The following KSR2 variants were observed in gnomAD, a reference collection of about 807,000 sequenced individuals.
KSR2 encodes the protein kinase suppressor of ras 2.
Under a neutral mutation model 107.8 loss-of-function variants are expected in KSR2, and 25 were observed. That is an observed-to-expected ratio of 0.23 (90% confidence interval 0.17 to 0.32). KSR2 has a LOEUF of 0.32. KSR2 is among the 10% of genes least tolerant of loss of function. The probability of loss-of-function intolerance (pLI) is 1.00; values close to 1 mark genes in which losing one functional copy is unlikely to be tolerated. For missense variants in KSR2, 887 were observed against 1,268.9 expected (o/e 0.70, Z 4.57); for synonymous variants, 480 against 507.0 (o/e 0.95, Z 0.71).
At chr12:117,943,255 G>A (rs537979262) in intron 1 of KSR2, among the ~76,000 whole-genome samples, 3 of 151,932 alleles carry the variant, frequency 2.0e-5, no homozygotes, top group African/African-American at 7.2e-5. Flanking sequence ...TTCTCAAAAC[G>A]ACTATTTTCT....
At chr12:117,546,270 CA>C (rs1434051254) in intron 9 of KSR2, among the ~76,000 whole-genome samples, 1 of 152,146 alleles carries the variant, frequency 6.6e-6, no homozygotes, top group Non-Finnish European at 1.5e-5. Context: ...TTTCTTTCAG[CA>C]CTTGAAAAAA....
intron 1 of KSR2, among the ~76,000 whole-genome samples, chr12:117,866,061 A>T (rs372921727): frequency 2.8e-5 from 3 of 105,612 alleles, no homozygotes; most frequent in African/African-American, 1.6e-4. Context: ...TTTTGAAACA[A>T]ATTCTCACTC....
intron 14 of KSR2, among the ~76,000 whole-genome samples, chr12:117,520,906 A>G (rs955672296): frequency 2.6e-5 from 4 of 152,146 alleles, no homozygotes; most frequent in African/African-American, 4.8e-5. Flanking sequence ...TGCTACTGGC[A>G]TCTAGTGAGT....
intron 18 of KSR2, among the ~76,000 whole-genome samples, chr12:117,470,921 A>G (rs1238944329): frequency 6.6e-6 from 1 of 152,226 alleles, no homozygotes; most frequent in African/African-American, 2.4e-5. Flanking sequence ...AGAGAGATAT[A>G]TTGGTTCTAC....
At chr12:117,766,460 A>G (rs535159630) in intron 3 of KSR2, among the ~76,000 whole-genome samples, 1 of 152,308 alleles carries the variant, frequency 6.6e-6, no homozygotes, top group South Asian at 2.1e-4. Flanking sequence ...TAGGTTTGGA[A>G]CTAAATAGAG....
intron 7 of KSR2, among the ~76,000 whole-genome samples, chr12:117,562,427 A>G (rs1878190149): frequency 2.6e-5 from 4 of 152,172 alleles, no homozygotes; most frequent in African/African-American, 9.6e-5. Context: ...AGTCAGTCCA[A>G]GAAGTTTCTG....
At chr12:117,876,074 C>T (rs1409032324) in intron 1 of KSR2, among the ~76,000 whole-genome samples, 1 of 152,204 alleles carries the variant, frequency 6.6e-6, no homozygotes, top group African/African-American at 2.4e-5. Context: ...ACCTGCAGGA[C>T]CGGGTCCCTG....
chr12:117,810,987 A>G (rs780210347), intron 3 of KSR2, among the ~76,000 whole-genome samples: 6 of 152,362 alleles, frequency 3.9e-5, no homozygotes, highest in Non-Finnish European at 8.8e-5. Context: ...AGAGGATCAG[A>G]CTTGATAAAT....
chr12:117,934,203 G>A (rs1895774007), intron 1 of KSR2, among the ~76,000 whole-genome samples: 1 of 152,142 alleles, frequency 6.6e-6, no homozygotes, highest in Non-Finnish European at 1.5e-5. Context: ...CAGCATCCCA[G>A]CTTTTGTTTG....
In KSR2 at chr12:117,519,013, T is replaced by C. The variant is rs557313997; in HGVS notation, c.2219+5839A>G. 1.5e-4 allele frequency among the ~76,000 whole-genome samples: 23 copies of C among 152,374 alleles called. No individual in the cohort carries two copies. In the South Asian group the frequency reaches 4.6e-3, roughly 30 times the overall value. On this transcript the variant is annotated intron_variant, in intron 14 of 19. Transcript: ENST00000339824. ...CGTGTTTGTTTAACTTGTTATTGTC[T>C]GTCTCTTCTGGAATGCAAAGTCCAC...
intron 5 of KSR2, among the ~76,000 whole-genome samples, chr12:117,586,714 AACAG>A (rs1319669307): frequency 6.6e-6 from 1 of 152,176 alleles, no homozygotes; most frequent in Non-Finnish European, 1.5e-5. Context: ...ACTACTGTCA[AACAG>A]ACAGACCCTT....
chr12:117,741,047 C>T (rs1027841624), intron 4 of KSR2, among the ~76,000 whole-genome samples: 3 of 152,104 alleles, frequency 2.0e-5, no homozygotes, highest in African/African-American at 4.8e-5. Context: ...ACTTACTTGA[C>T]GGTCAAGGTT....
At chr12:117,515,572 A>G (rs559657928) in intron 14 of KSR2, among the ~76,000 whole-genome samples, 1 of 152,312 alleles carries the variant, frequency 6.6e-6, no homozygotes, top group South Asian at 2.1e-4. Context: ...GGAAAAAGTA[A>G]GTGAGCAAAC....
chr12:117,707,958 G>A (rs112948939), intron 4 of KSR2, among the ~76,000 whole-genome samples: 4 of 152,186 alleles, frequency 2.6e-5, no homozygotes, highest in African/African-American at 9.7e-5. Context: ...CATGAAAAAG[G>A]AGTCCCCCAT....
chr12:117,661,495 A>C (rs150854843), intron 5 of KSR2, among the ~76,000 whole-genome samples: 1 of 152,328 alleles, frequency 6.6e-6, no homozygotes, highest in Non-Finnish European at 1.5e-5. Context: ...AAAACCAGTG[A>C]ATCTAAGTAA....
At chr12:117,787,551 T>C (rs1051993814) in intron 3 of KSR2, among the ~76,000 whole-genome samples, 1 of 152,032 alleles carries the variant, frequency 6.6e-6, no homozygotes, top group Non-Finnish European at 1.5e-5. Flanking sequence ...GAGAATTGCT[T>C]GAACCCAGGA....
At chr12:117,795,929 A>G (rs753093624) in intron 3 of KSR2, among the ~76,000 whole-genome samples, 3 of 151,612 alleles carry the variant, frequency 2.0e-5, no homozygotes, top group South Asian at 2.1e-4. Context: ...TGTTGTTGTT[A>G]TTGTTGTTGT....
At chr12:117,867,764 G>A (rs1566058924) in intron 1 of KSR2, among the ~76,000 whole-genome samples, 1 of 152,062 alleles carries the variant, frequency 6.6e-6, no homozygotes, top group Non-Finnish European at 1.5e-5. Flanking sequence ...CAGATCAGAT[G>A]AGCCACCAAT....
chr12:117,927,201 C>A (rs1895546152), intron 1 of KSR2, among the ~76,000 whole-genome samples: 1 of 151,426 alleles, frequency 6.6e-6, no homozygotes, highest in Non-Finnish European at 1.5e-5. Context: ...CATGGTGAAA[C>A]CCCATCTCTA....
Sources: allele counts gnomAD v4.1 joint callset (sites outside exome capture counted in the v4.1 genomes callset), GRCh38; gene constraint gnomAD v4.1.1; transcripts MANE v1.5; gene names NCBI Gene and HGNC (gene_info 2026-07-23, HGNC 2026-07-21).